Variants in TCF4 observed in about 807,000 individuals in gnomAD.
The protein encoded by TCF4 is SL3-3 enhancer factor 2.
In TCF4, 3 loss-of-function variants were observed where a neutral mutation model predicts 82.1. The ratio of observed to expected loss-of-function variants is 0.04; its 90% CI spans 0.02 to 0.09. The LOEUF is 0.09. Ranked by LOEUF, TCF4 falls within the 10% of genes least tolerant of loss-of-function variation. TCF4 has a pLI of 1.00. For synonymous variants in TCF4, 276 were observed against 309.6 expected (o/e 0.89, Z 1.14); for missense variants, 518 against 852.7 (o/e 0.61, Z 4.89).
At chr18:55,418,124 A>G (rs563759463) in intron 5 of TCF4, among the ~76,000 whole-genome samples, 4 of 151,992 alleles carry the variant, frequency 2.6e-5, no homozygotes, top group Non-Finnish European at 4.4e-5. Context: ...CAAACATGAA[A>G]TTCATAATGA....
chr18:55,229,111 G>A (rs1347346585), intron 17 of TCF4, 35 bp from the exon 18 acceptor site: 10 of 1,607,436 alleles, frequency 6.2e-6, no homozygotes, highest in Non-Finnish European at 8.5e-6. Flanking sequence ...TTTTCTAATG[G>A]TGTGGGGAAA....
At chr18:55,443,622 T>C (rs1301303634) in intron 5 of TCF4, among the ~76,000 whole-genome samples, 2 of 152,208 alleles carry the variant, frequency 1.3e-5, no homozygotes, top group South Asian at 4.1e-4. Flanking sequence ...TTAGTAATCA[T>C]CATATCCTAT....
At chr18:55,495,101 G>C (rs2096619948) in intron 3 of TCF4, among the ~76,000 whole-genome samples, 1 of 151,964 alleles carries the variant, frequency 6.6e-6, no homozygotes, top group African/African-American at 2.4e-5. Flanking sequence ...CAGGGTTACT[G>C]GTTTATTATT....
At chr18:55,367,183 T>C (rs1041990964) in intron 6 of TCF4, among the ~76,000 whole-genome samples, 1 of 152,238 alleles carries the variant, frequency 6.6e-6, no homozygotes, top group African/African-American at 2.4e-5. Flanking sequence ...CAGGGCAATC[T>C]GGTGTAGACC....
intron 6 of TCF4, among the ~76,000 whole-genome samples, chr18:55,383,517 A>G (rs1318904294): frequency 6.6e-6 from 1 of 152,214 alleles, no homozygotes; most frequent in Non-Finnish European, 1.5e-5. Context: ...TACCAATCCC[A>G]GTAGATGCTC....
intron 3 of TCF4, among the ~76,000 whole-genome samples, chr18:55,557,576 G>GA (rs948169835): frequency 4.0e-5 from 6 of 151,436 alleles, no homozygotes; most frequent in African/African-American, 1.5e-4. Context: ...ATGAAAAAAA[G>GA]AAAAAAATGT....
intron 5 of TCF4, among the ~76,000 whole-genome samples, chr18:55,415,680 C>T (rs900312550): frequency 1.3e-5 from 2 of 152,146 alleles, no homozygotes; most frequent in Non-Finnish European, 2.9e-5. Context: ...TTCTTAGCTG[C>T]TCGATGGAAA....
chr18:55,561,891 CTAAAA>C (rs1252800128), intron 3 of TCF4, among the ~76,000 whole-genome samples: 6 of 152,078 alleles, frequency 3.9e-5, no homozygotes, highest in African/African-American at 1.4e-4. Context: ...AAAGCCTGAT[CTAAAA>C]TAAAATGTCA....
chr18:55,236,737 C>G (rs2049563081), intron 15 of TCF4, among the ~76,000 whole-genome samples: 1 of 152,096 alleles, frequency 6.6e-6, no homozygotes, highest in Non-Finnish European at 1.5e-5. Flanking sequence ...TTTTACAGGC[C>G]TTGATCAAAT....
At chr18:55,321,713 C>T in intron 8 of TCF4, 1 of 1,536,114 alleles carries the variant, frequency 6.5e-7, no homozygotes, top group Non-Finnish European at 8.7e-7. Flanking sequence ...GCCGCCCATG[C>T]CCGGGATTGT....
exon 1 of TCF4, chr18:55,635,760 A>C: frequency 6.4e-7 from 1 of 1,550,646 alleles, no homozygotes; most frequent in Non-Finnish European, 8.7e-7. Context: ...TGCATGTTAC[A>C]ATGTCCTGAG....
intron 1 of TCF4, among the ~76,000 whole-genome samples, chr18:55,587,782 A>C (rs2097665151): frequency 7.4e-6 from 1 of 135,582 alleles, no homozygotes; most frequent in Non-Finnish European, 1.6e-5. Flanking sequence ...TGTGAAAGAA[A>C]GGGGTTATAA....
chr18:55,314,740 A>AT (rs2073630911), intron 8 of TCF4, among the ~76,000 whole-genome samples: 1 of 151,816 alleles, frequency 6.6e-6, no homozygotes. Context: ...ATGGCTGACA[A>AT]TAAAAAAAAG....
rs2958164 is a variant in TCF4, at chr18:55,405,256, T to C, written c.305-1738A>G. 1.7e-3 allele frequency among the ~76,000 whole-genome samples: 264 copies of C among 152,336 alleles called. 2 individuals carry two copies. The highest frequency in any genetic ancestry group is 6.1e-3 in the African/African-American group (254 of 41,574). On this transcript the variant is annotated intron_variant, in intron 5 of 19. Transcript: ENST00000354452. ...AGGACGCGTGTCCTTCCTTAAGCTC[T>C]TGCATCTAAGAATGCTTCAATATCA...
At chr18:55,629,251 A>C (rs2097729399) in intron 2 of TCF4, among the ~76,000 whole-genome samples, 1 of 152,160 alleles carries the variant, frequency 6.6e-6, no homozygotes, top group Admixed American at 6.5e-5. Flanking sequence ...CAATTGAGAC[A>C]CTCCTACTGT....
chr18:55,433,815 T>C (rs541039387), intron 5 of TCF4, among the ~76,000 whole-genome samples: 1 of 152,222 alleles, frequency 6.6e-6, no homozygotes, highest in South Asian at 2.1e-4. Context: ...GCCTCCTTGG[T>C]TTTATGAGCT....
At chr18:55,262,612 A>G (rs971602317) in intron 11 of TCF4, among the ~76,000 whole-genome samples, 2 of 152,158 alleles carry the variant, frequency 1.3e-5, no homozygotes, top group Admixed American at 1.3e-4. Flanking sequence ...CCATTCTTGA[A>G]CTAAGAGAGC....
chr18:55,599,070 A>AT (rs1472064540), intron 2 of TCF4, among the ~76,000 whole-genome samples: 1 of 152,166 alleles, frequency 6.6e-6, no homozygotes, highest in Non-Finnish European at 1.5e-5. Flanking sequence ...TCCCTAAGTA[A>AT]TTATGTTGCT....
chr18:55,322,474 A>G, intron 8 of TCF4: 2 of 1,004,496 alleles, frequency 2.0e-6, no homozygotes, highest in Non-Finnish European at 2.4e-6. Flanking sequence ...ACCTCGCTCA[A>G]AAGGAGAGAG....
Sources: gnomAD v4.1 joint callset for allele counts (sites outside exome capture counted in the v4.1 genomes callset) on GRCh38, gnomAD v4.1.1 for gene constraint, MANE v1.5 for transcripts, NCBI Gene and HGNC (gene_info 2026-07-23, HGNC 2026-07-21) for gene names.